CCAR1: variants seen among roughly 807,000 people sequenced by gnomAD.
The protein encoded by CCAR1 is cell division cycle and apoptosis regulator 1.
Under a neutral mutation model 163.8 loss-of-function variants are expected in CCAR1, and 78 were observed. The observed-to-expected ratio is 0.48, with a 90% CI of 0.40 to 0.57. The LOEUF (loss-of-function observed/expected upper bound fraction) is 0.57, where lower values mean the gene tolerates loss of function less well. CCAR1 is among the 20% of genes least tolerant of loss of function. CCAR1 has a pLI of 0.00. For synonymous variants in CCAR1, 443 were observed against 460.7 expected (o/e 0.96, Z 0.49); for missense variants, 1,019 against 1,365.2 (o/e 0.75, Z 4.00).
chr10:68,788,199 G>C lies in CCAR1; in HGVS notation c.3058G>C (p.Glu1020Gln). The C allele has an allele frequency of 6.3e-7, 1 of 1,596,448 alleles. No individual in the cohort carries two copies. Reference protein sequence around the residue: ...TVKQESKDVEENVGLIVYNGA... With the variant: ...TVKQESKDVEQNVGLIVYNGA... ...AAAGCAGGAATCAAAGGATGTGGAAGAAAATGTTGGCCTCATTGTGTACAA... is the reference window on the plus strand; with the variant it reads ...AAAGCAGGAATCAAAGGATGTGGAACAAAATGTTGGCCTCATTGTGTACAA... The change falls in exon 23 of 25, where the codon GAA becomes CAA. Residue 1020 changes from glutamate (E) to glutamine (Q), a missense_variant. This residue lies in a region of CCAR1 where 358 missense variants were observed against 406.4 expected (regional missense o/e 0.88). Transcript: ENST00000265872.
At chr10:68,770,994 C>T (rs12245086) in intron 17 of CCAR1, among the ~76,000 whole-genome samples, 4,874 of 152,020 alleles carry the variant, frequency 0.032, 178 homozygotes, top group African/African-American at 0.086. Flanking sequence ...AGGAGAATGG[C>T]GTGAACCCGG....
At chr10:68,743,221 G>A (rs1338271677) in intron 6 of CCAR1, among the ~76,000 whole-genome samples, 3 of 147,268 alleles carry the variant, frequency 2.0e-5, no homozygotes, top group Admixed American at 6.8e-5. Context: ...TTTTGAGACA[G>A]CGCCTCACTC....
At chr10:68,737,631 G>C (rs542518832) in intron 3 of CCAR1, among the ~76,000 whole-genome samples, 2 of 151,534 alleles carry the variant, frequency 1.3e-5, no homozygotes, top group East Asian at 3.9e-4. Flanking sequence ...ATCACAACTT[G>C]ATTTACTTTA....
chr10:68,724,760 G>C (rs185789786), intron 2 of CCAR1, among the ~76,000 whole-genome samples: 3 of 152,248 alleles, frequency 2.0e-5, no homozygotes, highest in African/African-American at 7.2e-5. Flanking sequence ...ACTACAGTCT[G>C]AGTGAGACCT....
At chr10:68,754,159 A>G in intron 11 of CCAR1, 82 bp downstream of exon 11, 1 of 1,002,960 alleles carries the variant, frequency 1.0e-6, no homozygotes, top group Non-Finnish European at 1.5e-6. Flanking sequence ...ATCCTTCAGA[A>G]AGTGTTTGTT....
intron 6 of CCAR1, among the ~76,000 whole-genome samples, chr10:68,746,343 C>T (rs936996338): frequency 2.6e-4 from 39 of 152,022 alleles, no homozygotes; most frequent in Admixed American, 2.6e-3. Context: ...GTGGTGCGAT[C>T]TTGGCTCACT....
intron 2 of CCAR1, among the ~76,000 whole-genome samples, chr10:68,725,965 TAGCC>T (rs1345475495): frequency 6.6e-6 from 1 of 151,856 alleles, no homozygotes; most frequent in East Asian, 1.9e-4. Context: ...ACTCAAAAAT[TAGCC>T]AGGTGTGGTA....
intron 10 of CCAR1, among the ~76,000 whole-genome samples, chr10:68,753,378 T>C (rs976598756): frequency 4.6e-5 from 7 of 152,206 alleles, no homozygotes; most frequent in Non-Finnish European, 1.5e-5. Context: ...TAATTTTGAA[T>C]GTAAGTATGC....
chr10:68,748,613 C>T (rs2056290337), intron 8 of CCAR1, among the ~76,000 whole-genome samples: 1 of 151,856 alleles, frequency 6.6e-6, no homozygotes, highest in Admixed American at 6.6e-5. Context: ...CTCAGCTCCC[C>T]TGAGTAGCTG....
In CCAR1 at chr10:68,788,239, A is replaced by T; in HGVS notation, c.3098A>T (p.Asp1033Val). 1 of 1,603,234 alleles carries T rather than the reference A, an allele frequency of 6.2e-7. No homozygotes were observed. The highest frequency in any genetic ancestry group is 8.5e-7 in the Non-Finnish European group (1 of 1,176,422). The change falls in exon 23 of 25, where the codon GAT becomes GTT. Residue 1033 changes from aspartate (D) to valine (V), a missense_variant. Transcript: ENST00000265872. ...ATTGTGTACAATGGTGCAATGGTAGATGTAGGAAGCCTCTTGCAAAAATTG... is the reference window on the plus strand; with the variant it reads ...ATTGTGTACAATGGTGCAATGGTAGTTGTAGGAAGCCTCTTGCAAAAATTG... The part of the protein sequence containing the change: ...GLIVYNGAMV[D>V]VGSLLQKLEK...
chr10:68,722,515 T>G lies in CCAR1; in HGVS notation c.11T>G (p.Phe4Cys). MAQ[F>C]GGQKNPPWAT... ...TTTTCCTTTTGCATCATGGCTCAAT[T>G]TGGAGGACAGAAGAATCCGCCATGG... Residue 4 changes from phenylalanine to cysteine, a missense_variant, in exon 2 of 25, where the codon TTT (phenylalanine) becomes TGT (cysteine). This residue lies in a region of CCAR1 where 644 missense variants were observed against 904.4 expected (regional missense o/e 0.71). Transcript: ENST00000265872. The G allele has an allele frequency of 6.2e-7, 1 of 1,613,846 alleles. No homozygotes were observed. Among genetic ancestry groups the G allele is most frequent in the Non-Finnish European group, 8.5e-7 (1 of 1,179,776 alleles).
intron 19 of CCAR1, among the ~76,000 whole-genome samples, chr10:68,775,226 A>T (rs2056649285): frequency 6.6e-6 from 1 of 152,136 alleles, no homozygotes; most frequent in African/African-American, 2.4e-5. Context: ...CCATAATCAC[A>T]CCTAAGAAAA....
At chr10:68,752,556 A>G (rs1310022662) in intron 10 of CCAR1, among the ~76,000 whole-genome samples, 4 of 152,192 alleles carry the variant, frequency 2.6e-5, no homozygotes, top group Non-Finnish European at 5.9e-5. Flanking sequence ...TTATTTTGAC[A>G]GCAGAATCAT....
intron 10 of CCAR1, among the ~76,000 whole-genome samples, chr10:68,751,253 C>G (rs2056326457): frequency 6.6e-6 from 1 of 151,986 alleles, no homozygotes; most frequent in East Asian, 1.9e-4. Context: ...TCTCAAACTC[C>G]TTACCTCAGG....
Position 68,762,948 on chromosome 10 carries a change from AG to A in CCAR1, c.2106+1757del, listed in dbSNP as rs151294628. Reference sequence around the variant, plus strand: ...TAGATCCTGGATAGGCAAAAATAAAAGTCATAGAGAGTATTTTTGGGACAGT... The same window carrying A: ...TAGATCCTGGATAGGCAAAAATAAAATCATAGAGAGTATTTTTGGGACAGT... On this transcript the variant is annotated intron_variant, in intron 16 of 24. Coordinates refer to ENST00000265872, the MANE Select transcript of CCAR1 (RefSeq NM_018237.4). Among the ~76,000 whole-genome samples, 1,369 of 152,272 alleles carry A rather than the reference AG, an allele frequency of 9.0e-3. 14 individuals are homozygous for A. The highest frequency in any genetic ancestry group is 0.043 in the South Asian group (206 of 4,830).
intron 6 of CCAR1, among the ~76,000 whole-genome samples, chr10:68,744,482 A>G (rs767280448): frequency 5.3e-5 from 8 of 152,214 alleles, no homozygotes; most frequent in Non-Finnish European, 8.8e-5. Context: ...AAATATTAAC[A>G]TTGAAAAAGT....
At chr10:68,775,682 C>CTTTT (rs2056656899) in intron 19 of CCAR1, among the ~76,000 whole-genome samples, 1 of 47,606 alleles carries the variant, frequency 2.1e-5, no homozygotes, top group African/African-American at 8.9e-5. Context: ...GCTAATTTTT[C>CTTTT]TTTTCTTTTT....
chr10:68,784,395 T>A (rs2056771915), intron 19 of CCAR1, among the ~76,000 whole-genome samples: 1 of 152,104 alleles, frequency 6.6e-6, no homozygotes, highest in Non-Finnish European at 1.5e-5. Flanking sequence ...TTTGTGTTTT[T>A]AGAGATGGGG....
At chr10:68,755,184 G>A in intron 12 of CCAR1, 186 bp from the exon 13 acceptor site, 1 of 758,578 alleles carries the variant, frequency 1.3e-6, no homozygotes, top group Non-Finnish European at 2.4e-6. Context: ...GTTATGATGT[G>A]TGTAAATCCT....
Sources: allele counts gnomAD v4.1 joint callset (sites outside exome capture counted in the v4.1 genomes callset), GRCh38; gene constraint gnomAD v4.1.1; regional missense constraint gnomAD v4.1.1; transcripts MANE v1.5; gene names NCBI Gene and HGNC (gene_info 2026-07-23, HGNC 2026-07-21).